CKAP5: variants seen among roughly 807,000 people sequenced by gnomAD.
The protein encoded by CKAP5 is cytoskeleton-associated protein 5.
In CKAP5, 27 loss-of-function variants were observed where a neutral mutation model predicts 232.8. The observed-to-expected ratio is 0.12, with a 90% CI of 0.09 to 0.16. The LOEUF (loss-of-function observed/expected upper bound fraction) is 0.16. Ranked by LOEUF, CKAP5 falls within the 10% of genes least tolerant of loss-of-function variation. The pLI, the probability that CKAP5 is intolerant of heterozygous loss-of-function variation, is 1.00. For synonymous variants in CKAP5, 785 were observed against 841.1 expected, an observed-to-expected ratio of 0.93 and a Z score of 1.16; for missense variants, 1,838 against 2,424.7, an observed-to-expected ratio of 0.76 and a Z score of 5.08.
chr11:46,781,708 A>C (rs2065343040), intron 18 of CKAP5, among the ~76,000 whole-genome samples: 1 of 151,960 alleles, frequency 6.6e-6, no homozygotes, highest in Non-Finnish European at 1.5e-5. Context: ...CTCAAATGTC[A>C]TTTTTTCAGG....
chr11:46,796,137 C>G (rs1230362879), intron 12 of CKAP5, among the ~76,000 whole-genome samples: 2 of 142,474 alleles, frequency 1.4e-5, no homozygotes, highest in Non-Finnish European at 1.5e-5. Flanking sequence ...TGCACTCCAG[C>G]CTGGGTGACA....
intron 16 of CKAP5, 115 bp from the exon 17 acceptor site, chr11:46,784,788 T>G: frequency 1.5e-6 from 1 of 657,060 alleles, no homozygotes; most frequent in Middle Eastern, 4.2e-4. Context: ...GAAACACAAC[T>G]AAAGTAAAAT....
At chr11:46,797,681 C>G in intron 11 of CKAP5, 124 bp downstream of exon 11, 1 of 921,378 alleles carries the variant, frequency 1.1e-6, no homozygotes. Flanking sequence ...GCTGCAAAGG[C>G]TCTGCTCCTC....
At chr11:46,842,960 C>T (rs1404743789) in intron 1 of CKAP5, among the ~76,000 whole-genome samples, 13 of 129,080 alleles carry the variant, frequency 1.0e-4, no homozygotes, top group Admixed American at 2.4e-4. Flanking sequence ...GAGCAAGACT[C>T]CGTCTCAAAA....
At chr11:46,805,784 A>C (rs1939140299) in intron 8 of CKAP5, among the ~76,000 whole-genome samples, 1 of 152,176 alleles carries the variant, frequency 6.6e-6, no homozygotes, top group African/African-American at 2.4e-5. Context: ...AAAAACACAA[A>C]AATTAGCTGG....
chr11:46,780,542 A>G, intron 18 of CKAP5, 57 bp from the exon 19 acceptor site: 2 of 1,473,654 alleles, frequency 1.4e-6, no homozygotes, highest in South Asian at 1.2e-5. Context: ...AATACTCAAT[A>G]ACGTTTTATA....
intron 8 of CKAP5, among the ~76,000 whole-genome samples, chr11:46,803,347 C>T (rs1291202883): frequency 6.6e-6 from 1 of 151,830 alleles, no homozygotes; most frequent in Non-Finnish European, 1.5e-5. Flanking sequence ...CAGCTCACCG[C>T]AACCTCCCCC....
intron 38 of CKAP5, 65 bp from the exon 39 acceptor site, chr11:46,751,599 T>C: frequency 7.3e-7 from 1 of 1,362,994 alleles, no homozygotes; most frequent in African/African-American, 1.4e-5. Flanking sequence ...TCACCATTCA[T>C]CTTCCCTAAG....
intron 28 of CKAP5, 75 bp downstream of exon 28, chr11:46,765,056 G>T: frequency 7.2e-7 from 1 of 1,380,124 alleles, no homozygotes; most frequent in Non-Finnish European, 9.9e-7. Context: ...ACAATAACAT[G>T]AATTCAGACA....
chr11:46,751,732 C>T (rs921080310), intron 38 of CKAP5, among the ~76,000 whole-genome samples, 198 bp from the exon 39 acceptor site: 2 of 152,080 alleles, frequency 1.3e-5, no homozygotes, highest in African/African-American at 2.4e-5. Flanking sequence ...TGAAGTGTGT[C>T]CAGTCATTCA....
intron 23 of CKAP5, 24 bp downstream of exon 23, chr11:46,777,415 C>A: frequency 1.4e-6 from 2 of 1,426,160 alleles, no homozygotes; most frequent in Non-Finnish European, 2.0e-6. Flanking sequence ...AGAATGGAGG[C>A]ATGGTGAAAA....
intron 8 of CKAP5, 51 bp downstream of exon 8, chr11:46,807,980 C>T: frequency 7.7e-7 from 1 of 1,304,002 alleles, no homozygotes; most frequent in Non-Finnish European, 1.1e-6. Context: ...ATGAGAAATT[C>T]AAAGGCCTGA....
chr11:46,745,489 G>A (rs565980292), intron 42 of CKAP5, among the ~76,000 whole-genome samples: 1 of 152,168 alleles, frequency 6.6e-6, no homozygotes, highest in Non-Finnish European at 1.5e-5. Flanking sequence ...TGCTGTTTAG[G>A]CCAAAATTAT....
intron 8 of CKAP5, among the ~76,000 whole-genome samples, chr11:46,806,153 G>A (rs1366486123): frequency 6.6e-6 from 1 of 152,044 alleles, no homozygotes; most frequent in African/African-American, 2.4e-5. Context: ...TGCTACCCTA[G>A]ATCTCTCAGA....
intron 1 of CKAP5, among the ~76,000 whole-genome samples, chr11:46,832,599 T>C (rs1255343017): frequency 6.6e-6 from 1 of 152,224 alleles, no homozygotes; most frequent in Non-Finnish European, 1.5e-5. Flanking sequence ...CACACACTTC[T>C]TGAACACGTA....
At chr11:46,821,730 T>A (rs941805999) in intron 1 of CKAP5, among the ~76,000 whole-genome samples, 12 of 149,250 alleles carry the variant, frequency 8.0e-5, no homozygotes, top group African/African-American at 3.0e-4. Context: ...GCCAATAGAA[T>A]TTTTTTTTTA....
chr11:46,842,567 C>T (rs1940080264), intron 1 of CKAP5, among the ~76,000 whole-genome samples: 1 of 152,170 alleles, frequency 6.6e-6, no homozygotes, highest in Non-Finnish European at 1.5e-5. Context: ...TCTCAGTTTC[C>T]TCTCGTGGGT....
At chr11:46,770,454 A>T (rs1253344428) in intron 25 of CKAP5, among the ~76,000 whole-genome samples, 1 of 152,220 alleles carries the variant, frequency 6.6e-6, no homozygotes, top group Non-Finnish European at 1.5e-5. Flanking sequence ...TTTTTAAGAC[A>T]GAGTTTCTCT....
intron 1 of CKAP5, among the ~76,000 whole-genome samples, chr11:46,829,631 A>G (rs1223065758): frequency 1.3e-5 from 2 of 152,216 alleles, no homozygotes; most frequent in Non-Finnish European, 2.9e-5. Flanking sequence ...GTGTTAAACA[A>G]TTATGTTATC....
Sources: allele counts gnomAD v4.1 joint callset (sites outside exome capture counted in the v4.1 genomes callset), GRCh38; gene constraint gnomAD v4.1.1; transcripts MANE v1.5; gene names NCBI Gene and HGNC (gene_info 2026-07-23, HGNC 2026-07-21).